Variants in HDAC11 observed in about 807,000 individuals in gnomAD.
HDAC11 encodes histone deacetylase 11.
HDAC11 carries 23 observed loss-of-function variants against 41.1 expected under a neutral mutation model. That is an observed-to-expected ratio of 0.56 (90% CI 0.40 to 0.79). HDAC11 has a LOEUF of 0.79. HDAC11 is among the 30% of genes least tolerant of loss of function. The probability of loss-of-function intolerance (pLI) is 0.00; values close to 1 mark genes in which losing one functional copy is unlikely to be tolerated. For missense variants in HDAC11, 402 were observed against 477.3 expected (o/e 0.84, Z 1.47); for synonymous variants, 187 against 186.6 (o/e 1.00, Z -0.02).
At chr3:13,496,036 G>A (rs903826911) in intron 3 of HDAC11, among the ~76,000 whole-genome samples, 1 of 152,226 alleles carries the variant, frequency 6.6e-6, no homozygotes, top group Non-Finnish European at 1.5e-5. Flanking sequence ...GCAGGGATGC[G>A]TTTTCAGCCA....
At chr3:13,499,186 C>T (rs1034955672) in intron 5 of HDAC11, among the ~76,000 whole-genome samples, 4 of 151,898 alleles carry the variant, frequency 2.6e-5, no homozygotes, top group East Asian at 3.9e-4. Flanking sequence ...TTTTCTTTTT[C>T]GAGACGTAGT....
rs1348195490 is a variant in HDAC11, at chr3:13,481,518, C to T, written c.151+124C>T. On this transcript the variant is annotated intron_variant, in intron 2 of 9. Coordinates refer to ENST00000295757, the MANE Select transcript of HDAC11 (RefSeq NM_024827.4). ...CAGTTTCAGCCCTCGGATGGCCTTC[C>T]ACCCATGCTTCCGCCCAAAATGATT... 8 of 1,075,174 alleles carry T rather than the reference C, an allele frequency of 7.4e-6. No individual in the cohort carries two copies. The East Asian group carries it at 1.9e-4, about 26-fold the overall frequency. 66.6% of individuals were successfully genotyped at this position (1,075,174 alleles called of 1,614,324 possible).
chr3:13,488,140 T>C (rs977374481), intron 3 of HDAC11, among the ~76,000 whole-genome samples: 2 of 151,638 alleles, frequency 1.3e-5, no homozygotes, highest in Non-Finnish European at 2.9e-5. Context: ...AGACCATAGC[T>C]CCATGGAGCA....
chr3:13,503,087 T>C (rs371301485), intron 8 of HDAC11, 107 bp downstream of exon 8: 6 of 796,070 alleles, frequency 7.5e-6, no homozygotes, highest in Middle Eastern at 5.0e-4. Context: ...CAGTGGTTCA[T>C]AGCATCCCTG....
Position 13,491,779 on chromosome 3 carries a change from C to T in HDAC11, c.253-4957C>T, listed in dbSNP as rs534723013. Among the ~76,000 whole-genome samples, 20 of 152,336 alleles carry T rather than the reference C, an allele frequency of 1.3e-4. No individual in the cohort carries two copies. In the East Asian group the frequency reaches 3.7e-3, roughly 28 times the overall value. On this transcript the variant is annotated intron_variant, in intron 3 of 9. Transcript: ENST00000295757. ...GCTACATGCAGGCCATGCCCTTTGG[C>T]GGGTGGTGGCGTCAGTCTGGGGCAG... is the stretch of plus-strand genomic sequence containing the variant.
rs374445837 is a variant in HDAC11 at position 13,500,835 on chromosome 3, G to A, written c.489+46G>A. On this transcript the variant is annotated intron_variant, in intron 6 of 9. Coordinates refer to ENST00000295757, the MANE Select transcript of HDAC11 (RefSeq NM_024827.4). ...GGTCTCGCCTCCAAGAGCCCTCCTG[G>A]AATCCTCCCCATAGCTCCAAATTAA... 22 of 1,354,074 alleles carry A rather than the reference G, an allele frequency of 1.6e-5. No homozygotes were observed. In the Admixed American group the frequency reaches 4.3e-4, roughly 26 times the overall value. 83.9% of individuals were successfully genotyped at this position (1,354,074 alleles called of 1,614,324 possible).
At chr3:13,482,086 T>A (rs1432468396) in intron 2 of HDAC11, among the ~76,000 whole-genome samples, 1 of 152,168 alleles carries the variant, frequency 6.6e-6, no homozygotes, top group Non-Finnish European at 1.5e-5. Flanking sequence ...CTCCCATTAG[T>A]GGCTGAAGTA....
In HDAC11 at chr3:13,480,978, A is replaced by G; in HGVS notation, c.3-268A>G. 1.9e-6 allele frequency: 1 copy of G among 523,154 alleles called. No individual in the cohort carries two copies. Among genetic ancestry groups the G allele is most frequent in the Non-Finnish European group, 3.5e-6 (1 of 287,160 alleles). 32.4% of individuals were successfully genotyped at this position (523,154 alleles called of 1,614,324 possible). On this transcript the variant is annotated intron_variant, in intron 1 of 9. Coordinates refer to ENST00000295757, the MANE Select transcript of HDAC11 (RefSeq NM_024827.4). The surrounding 1 kb of genome is among the most constrained non-coding windows in gnomAD (Gnocchi z 4.6). ...CACGCCTGCTTCTCCACAGACCTGCACTGTGACCTTGGGCACACCTGGTCT... is the reference window on the plus strand; with the variant it reads ...CACGCCTGCTTCTCCACAGACCTGCGCTGTGACCTTGGGCACACCTGGTCT...
At chr3:13,481,507 G>C in intron 2 of HDAC11, 113 bp downstream of exon 2, 3 of 1,295,848 alleles carry the variant, frequency 2.3e-6, no homozygotes, top group Non-Finnish European at 3.3e-6. Context: ...TTCAGCCCTC[G>C]GATGGCCTTC....
intron 3 of HDAC11, among the ~76,000 whole-genome samples, chr3:13,490,447 A>G (rs1348118959): frequency 1.3e-5 from 2 of 152,144 alleles, no homozygotes; most frequent in Admixed American, 6.5e-5. Flanking sequence ...TGCCATCTTA[A>G]CAATATTCGG....
In HDAC11 at chr3:13,480,324, A is replaced by G. The variant is rs1701241409; in HGVS notation, c.-24A>G. On this transcript the variant is annotated 5_prime_UTR_variant, in exon 1 of 10. Transcript: ENST00000295757. The surrounding 1 kb of genome is among the most constrained non-coding windows in gnomAD (Gnocchi z 4.6). ...CCCGCCCGGTCGCGGAGCTGCGGCC[A>G]GCTTTGGGAGGGCCGGCCCCGGGAT... The G allele has an allele frequency of 1.6e-6, 2 of 1,226,642 alleles. No individual in the cohort carries two copies. The highest frequency in any genetic ancestry group is 2.0e-6 in the Non-Finnish European group (2 of 984,622). 76.0% of individuals were successfully genotyped at this position (1,226,642 alleles called of 1,614,324 possible).
chr3:13,500,272 G>C (rs1193152341), intron 5 of HDAC11, among the ~76,000 whole-genome samples: 1 of 152,008 alleles, frequency 6.6e-6, no homozygotes, highest in Non-Finnish European at 1.5e-5. Context: ...TGGATCCCGG[G>C]CTCTAGGGCC....
intron 3 of HDAC11, among the ~76,000 whole-genome samples, chr3:13,486,582 T>G (rs1197017210): frequency 2.7e-5 from 4 of 147,720 alleles, no homozygotes; most frequent in African/African-American, 7.6e-5. Flanking sequence ...TTTTTTTTTT[T>G]TTTTTTTTTT....
chr3:13,496,711 C>T (rs1229724160), intron 3 of HDAC11, 25 bp from the exon 4 acceptor site: 1 of 1,514,858 alleles, frequency 6.6e-7, no homozygotes, highest in East Asian at 2.4e-5. Flanking sequence ...AAGCGGAGGC[C>T]AACAGCCCCT....
chr3:13,496,774 C>A lies in HDAC11; in HGVS notation c.291C>A (p.Pro97=). Residue 97 remains proline, a synonymous_variant, in exon 4 of 10, where the codon CCC becomes CCA. Transcript: ENST00000295757. ...FAVATITEIP[P]VIFLPNFLVQ... The stretch of plus-strand genomic sequence containing the variant: ...TTGCTACCATCACAGAAATCCCCCC[C>A]GTTATCTTCCTCCCCAACTTCCTTG... The A allele has an allele frequency of 6.2e-7, 1 of 1,607,038 alleles. No homozygotes were observed. Among genetic ancestry groups the A allele is most frequent in the Non-Finnish European group, 8.5e-7 (1 of 1,176,522 alleles).
In HDAC11 at chr3:13,505,458, A is replaced by T. The variant is rs968222374; in HGVS notation, c.*775A>T. 6.5e-6 allele frequency: 1 copy of T among 153,192 alleles called. No homozygotes were observed. The highest frequency in any genetic ancestry group is 2.4e-5 in the African/African-American group (1 of 41,452). 9.5% of individuals were successfully genotyped at this position (153,192 alleles called of 1,614,324 possible). A position where few individuals can be genotyped will look rare whatever the true frequency, so the allele number is the denominator to read the frequency against. On this transcript the variant is annotated 3_prime_UTR_variant, in exon 10 of 10. Coordinates refer to ENST00000295757, the MANE Select transcript of HDAC11 (RefSeq NM_024827.4). The stretch of plus-strand genomic sequence containing the variant: ...TTTTGGGGGGAGGAATTCTTAGCGC[A>T]AGGACGGGCCTCAGCCCTGTCGCCT...
intron 3 of HDAC11, among the ~76,000 whole-genome samples, chr3:13,483,988 C>T (rs938764504): frequency 2.0e-5 from 3 of 152,092 alleles, no homozygotes; most frequent in Non-Finnish European, 4.4e-5. Flanking sequence ...AATGGAGTCT[C>T]ACTCTGTCGC....
chr3:13,502,833 A>T lies in HDAC11; in HGVS notation c.553-51A>T. 2.0e-6 allele frequency: 3 copies of T among 1,474,654 alleles called. No homozygotes were observed. The South Asian group carries it at 3.4e-5, about 17-fold the overall frequency. The allele number at this position is 1,474,654 out of a possible 1,614,324, so 91.3% of individuals were successfully genotyped here. A position where few individuals can be genotyped will look rare whatever the true frequency, so the allele number is the denominator to read the frequency against. On this transcript the variant is annotated intron_variant, in intron 7 of 9. Coordinates refer to ENST00000295757, the MANE Select transcript of HDAC11 (RefSeq NM_024827.4). This position sits in a 1 kb window ranked among gnomAD's most constrained non-coding sequence, Gnocchi z 4.1. ...AGGGGTGGGTGGGTGGCAGAGCCCC[A>T]GCCTTGCCTAGGGCACCTACCCGAG...
intron 9 of HDAC11, 40 bp from the exon 10 acceptor site, chr3:13,504,428 G>A (rs376169866): frequency 6.2e-7 from 1 of 1,606,582 alleles, no homozygotes; most frequent in Admixed American, 1.7e-5. Flanking sequence ...ACACCATGGG[G>A]GTCTGGCCTG....
Sources: allele counts gnomAD v4.1 joint callset (sites outside exome capture counted in the v4.1 genomes callset), GRCh38; gene constraint gnomAD v4.1.1; non-coding constraint Gnocchi (gnomAD v3.1); transcripts MANE v1.5; gene names NCBI Gene and HGNC (gene_info 2026-07-23, HGNC 2026-07-21).